The following SNX31 variants were observed in gnomAD, a reference collection of about 807,000 sequenced individuals.
SNX31 encodes the protein sorting nexin-31.
In SNX31, 58 loss-of-function variants were observed where a neutral mutation model predicts 65.4. The observed-to-expected ratio is 0.89, with a 90% CI of 0.72 to 1.10. The LOEUF (loss-of-function observed/expected upper bound fraction) is 1.10. SNX31 is among the 50% of genes least tolerant of loss of function. The pLI is 0.00. For missense variants in SNX31, 523 were observed against 529.7 expected (o/e 0.99, Z 0.12); for synonymous variants, 181 against 190.1 (o/e 0.95, Z 0.39).
Position 100,573,627 on chromosome 8 carries a change from A to G in SNX31, c.*238T>C. 3.2e-6 allele frequency: 1 copy of G among 315,966 alleles called. No homozygotes were observed. The highest frequency in any genetic ancestry group is 5.7e-6 in the Non-Finnish European group (1 of 174,642). The allele number at this position is 315,966 out of a possible 1,614,324, so 19.6% of individuals were successfully genotyped here. A position where few individuals can be genotyped will look rare whatever the true frequency, so the allele number is the denominator to read the frequency against. On this transcript the variant is annotated 3_prime_UTR_variant, in exon 14 of 14. Coordinates refer to ENST00000311812, the MANE Select transcript of SNX31 (RefSeq NM_152628.4). Reference sequence around the variant, plus strand: ...AACAAACTCTATACTGTCATGACGAAGTGCAAAAATAAAATAAAAACTAAC... The same window carrying G: ...AACAAACTCTATACTGTCATGACGAGGTGCAAAAATAAAATAAAAACTAAC...
chr8:100,640,527 T>C (rs1224633475), intron 2 of SNX31, among the ~76,000 whole-genome samples: 2 of 152,200 alleles, frequency 1.3e-5, no homozygotes, highest in Non-Finnish European at 2.9e-5. Context: ...GAGGATACTA[T>C]GGAAAGAGAG....
chr8:100,573,926 C>CTTTTTTTTTTTTTTTTTTT lies in SNX31; in HGVS notation c.1261_1262insAAAAAAAAAAAAAAAAAAA (p.Ser421LysfsTer10), dbSNP rs752425672. The CTTTTTTTTTTTTTTTTTTT allele has an allele frequency of 1.3e-6, 2 of 1,586,894 alleles. No individual in the cohort carries two copies. The highest frequency in any genetic ancestry group is 2.3e-5 in the East Asian group (1 of 42,862). On this transcript the variant is annotated frameshift_variant, in exon 14 of 14. Coordinates refer to ENST00000311812, the MANE Select transcript of SNX31 (RefSeq NM_152628.4). LOFTEE classifies it high-confidence loss of function. ...GTCATCTTTAGCTATCTTAATCTTGCTTTTTCTTGATAGAAAACTAGAATA... is the reference window on the plus strand; with the variant it reads ...GTCATCTTTAGCTATCTTAATCTTGCTTTTTTTTTTTTTTTTTTTTTTTTCTTGATAGAAAACTAGAATA...
In SNX31 at chr8:100,618,354, T is replaced by C. The variant is rs376437474; in HGVS notation, c.322-624A>G. The C allele has an allele frequency of 5.2e-6, 8 of 1,534,498 alleles. No homozygotes were observed. In the East Asian group the frequency reaches 1.5e-4, roughly 28 times the overall value. ...GCCCAGTTTTCAGTATTTCCAAGCA[T>C]CCCTAAAGCCCATATCCCTGATTTT... is the stretch of plus-strand genomic sequence containing the variant. On this transcript the variant is annotated intron_variant, in intron 4 of 13. Transcript: ENST00000311812.
chr8:100,582,961 G>A (rs1013371602), intron 12 of SNX31, among the ~76,000 whole-genome samples: 45 of 150,392 alleles, frequency 3.0e-4, no homozygotes, highest in Admixed American at 6.6e-4. Flanking sequence ...CAGCCTGGGC[G>A]ACAGAGTGAG....
intron 8 of SNX31, among the ~76,000 whole-genome samples, chr8:100,605,752 C>G (rs1816094072): frequency 6.6e-6 from 1 of 152,116 alleles, no homozygotes; most frequent in Non-Finnish European, 1.5e-5. Flanking sequence ...ATCTGTTTCC[C>G]TCTGGTTATA....
In SNX31 at chr8:100,575,242, G is replaced by GA. The variant is rs1812950892; in HGVS notation, c.1228-1283_1228-1282insT. The stretch of plus-strand genomic sequence containing the variant: ...ATACTGGCTCTGATATTAACTGACT[G>GA]TGTGACCTTGAGCAAGTGACTTAAC... On this transcript the variant is annotated intron_variant, in intron 13 of 13. Transcript: ENST00000311812. This position sits in a 1 kb window ranked among gnomAD's most constrained non-coding sequence, Gnocchi z 5.1. Among the ~76,000 whole-genome samples, 1 of 152,218 alleles carries GA rather than the reference G, an allele frequency of 6.6e-6. No homozygotes were observed. The highest frequency in any genetic ancestry group is 6.5e-5 in the Admixed American group (1 of 15,284).
In SNX31 at chr8:100,576,939, A is replaced by G. The variant is rs2130763360; in HGVS notation, c.1227+80T>C. On this transcript the variant is annotated intron_variant, in intron 13 of 13. Coordinates refer to ENST00000311812, the MANE Select transcript of SNX31 (RefSeq NM_152628.4). This position sits in a 1 kb window ranked among gnomAD's most constrained non-coding sequence, Gnocchi z 4.8. ...TAATTCTGACTTATTATTGAAAGTG[A>G]GATGACTTTGGTTAAAGAGGAAAAA... 1 of 1,147,626 alleles carries G rather than the reference A, an allele frequency of 8.7e-7. No homozygotes were observed. Among genetic ancestry groups the G allele is most frequent in the Non-Finnish European group, 1.3e-6 (1 of 781,560 alleles). 71.1% of individuals were successfully genotyped at this position (1,147,626 alleles called of 1,614,324 possible).
At chr8:100,600,145 C>T (rs62513872) in intron 9 of SNX31, among the ~76,000 whole-genome samples, 14,576 of 151,732 alleles carry the variant, frequency 0.096, 946 homozygotes, top group African/African-American at 0.18. Flanking sequence ...CACAATATAC[C>T]GTCTGTATTT....
intron 3 of SNX31, among the ~76,000 whole-genome samples, chr8:100,631,584 T>G (rs1818421469): frequency 1.3e-5 from 2 of 151,854 alleles, no homozygotes; most frequent in Admixed American, 1.3e-4. Flanking sequence ...ATTACAGGAG[T>G]GCGCCACCAC....
At chr8:100,585,833 G>C (rs1405383862) in intron 11 of SNX31, among the ~76,000 whole-genome samples, 2 of 152,112 alleles carry the variant, frequency 1.3e-5, no homozygotes, top group Admixed American at 1.3e-4. Flanking sequence ...ACATAGGCCA[G>C]GACTCTGCTA....
rs779024716 is a variant in SNX31 at position 100,617,734 on chromosome 8, TAAGCAAAAGAA to T, written c.322-15_322-5del. The stretch of plus-strand genomic sequence containing the variant: ...TGGTGGCGATGTCAAATGTATTCTA[TAAGCAAAAGAA>T]AAGCAAAATAAATTTCCACACCTTT... On this transcript the variant is annotated splice_region_variant and splice_polypyrimidine_tract_variant and intron_variant, in intron 4 of 13. Transcript: ENST00000311812. 2 of 1,586,984 alleles carry T rather than the reference TAAGCAAAAGAA, an allele frequency of 1.3e-6. No homozygotes were observed. Among genetic ancestry groups the T allele is most frequent in the South Asian group, 1.2e-5 (1 of 86,202 alleles).
intron 11 of SNX31, among the ~76,000 whole-genome samples, chr8:100,587,921 G>C (rs1040350644): frequency 2.0e-5 from 3 of 152,122 alleles, no homozygotes; most frequent in African/African-American, 7.2e-5. Context: ...AAACAACATA[G>C]AGTGTAGTTA....
chr8:100,593,490 G>T (rs1453025101), intron 10 of SNX31, among the ~76,000 whole-genome samples: 2 of 151,788 alleles, frequency 1.3e-5, no homozygotes, highest in Non-Finnish European at 2.9e-5. Flanking sequence ...GTCTTGCTCT[G>T]TCTCCCAGGC....
intron 3 of SNX31, among the ~76,000 whole-genome samples, chr8:100,632,265 G>C (rs1818463004): frequency 6.6e-6 from 1 of 152,262 alleles, no homozygotes; most frequent in African/African-American, 2.4e-5. Context: ...TCTGTGAAAA[G>C]GCCAGGTATT....
chr8:100,596,739 C>A lies in SNX31; in HGVS notation c.878G>T (p.Gly293Val). The A allele has an allele frequency of 6.2e-7, 1 of 1,614,104 alleles. No homozygotes were observed. Among genetic ancestry groups the A allele is most frequent in the South Asian group, 1.1e-5 (1 of 91,084 alleles). Residue 293 changes from glycine (G) to valine (V), a missense_variant, in exon 10 of 14, where the codon GGC becomes GTC. Gly to Val is a moderately radical substitution (Grantham distance 109). Coordinates refer to ENST00000311812, the MANE Select transcript of SNX31 (RefSeq NM_152628.4). ...GATGCAGCAGCTGATCTCATTATTG[C>A]CAACAGAAAGAACAGCTCCAGAGCC... ...ESGSGAVLSVGNNEISCCITL... is the reference protein window; with the variant it reads ...ESGSGAVLSVVNNEISCCITL...
At chr8:100,574,435 C>T (rs1812866519) in intron 13 of SNX31, among the ~76,000 whole-genome samples, 1 of 152,148 alleles carries the variant, frequency 6.6e-6, no homozygotes, top group African/African-American at 2.4e-5. Flanking sequence ...AGATCAAGAC[C>T]ACCCTGGCCA....
In SNX31 at chr8:100,573,839, G is replaced by T; in HGVS notation, c.*26C>A. The stretch of plus-strand genomic sequence containing the variant: ...TCACTGTCTTGAGATAGCCTCCAAG[G>T]ATATTTTAAAATATGAGAGCTTTCT... On this transcript the variant is annotated 3_prime_UTR_variant, in exon 14 of 14. Transcript: ENST00000311812. 2.7e-6 allele frequency: 4 copies of T among 1,488,946 alleles called. No individual in the cohort carries two copies. Among genetic ancestry groups the T allele is most frequent in the African/African-American group, 1.4e-5 (1 of 70,682 alleles). 92.2% of individuals were successfully genotyped at this position (1,488,946 alleles called of 1,614,324 possible).
chr8:100,616,065 T>C (rs1019660695), intron 5 of SNX31, among the ~76,000 whole-genome samples: 7 of 152,188 alleles, frequency 4.6e-5, no homozygotes, highest in Admixed American at 3.3e-4. Context: ...TGAGCCACAG[T>C]GCCTGGCCAA....
rs1815982959 is a variant in SNX31 at position 100,604,764 on chromosome 8, T to A, written c.681+3730A>T. On this transcript the variant is annotated intron_variant, in intron 8 of 13. Transcript: ENST00000311812. This position sits in a 1 kb window ranked among gnomAD's most constrained non-coding sequence, Gnocchi z 4.3. ...AGGCTGTGGGAATTCAGTTGACTCA[T>A]TGGATATCACTGGGCACATCTGCTT... Among the ~76,000 whole-genome samples, 1 of 152,242 alleles carries A rather than the reference T, an allele frequency of 6.6e-6. No individual in the cohort carries two copies. Among genetic ancestry groups the A allele is most frequent in the Admixed American group, 6.5e-5 (1 of 15,282 alleles).
Sources: gnomAD v4.1 joint callset for allele counts (sites outside exome capture counted in the v4.1 genomes callset) on GRCh38, gnomAD v4.1.1 for gene constraint, Gnocchi (gnomAD v3.1) non-coding constraint, MANE v1.5 for transcripts, NCBI Gene and HGNC (gene_info 2026-07-23, HGNC 2026-07-21) for gene names.